The following CENPP variants were observed in gnomAD, a reference collection of about 807,000 sequenced individuals.
CENPP encodes the protein centromere protein P.
In CENPP, 24 loss-of-function variants were observed where a neutral mutation model predicts 35.6. The observed-to-expected ratio is 0.67, with a 90% CI of 0.49 to 0.95. The LOEUF is 0.95. Ranked by LOEUF, CENPP falls within the 40% of genes least tolerant of loss-of-function variation. The pLI is 0.00. For synonymous variants in CENPP, 120 were observed against 125.5 expected (o/e 0.96, Z 0.29); for missense variants, 332 against 345.3 (o/e 0.96, Z 0.31).
At chr9:92,350,259 T>G (rs1270668924) in intron 4 of CENPP, among the ~76,000 whole-genome samples, 3 of 152,228 alleles carry the variant, frequency 2.0e-5, no homozygotes, top group Admixed American at 2.0e-4. Context: ...ATGAAAGAAA[T>G]CCATGACATC....
intron 5 of CENPP, chr9:92,509,759 A>C: frequency 1.2e-6 from 1 of 844,000 alleles, no homozygotes; most frequent in East Asian, 3.1e-5. Context: ...AGTTAAAAGA[A>C]GTTTTATCAA....
chr9:92,603,805 T>A (rs184526787), intron 5 of CENPP, among the ~76,000 whole-genome samples: 1 of 152,244 alleles, frequency 6.6e-6, no homozygotes, highest in East Asian at 1.9e-4. Context: ...CTCCCACATC[T>A]TGCCCACCTC....
intron 5 of CENPP, chr9:92,390,072 T>A (rs755806011): frequency 6.3e-6 from 9 of 1,427,762 alleles, no homozygotes; most frequent in African/African-American, 1.4e-5. Flanking sequence ...GGGAAAAAAA[T>A]ATAAAAAACA....
intron 5 of CENPP, among the ~76,000 whole-genome samples, chr9:92,413,016 C>CTTTTTTTTTT (rs1843490083): frequency 1.7e-5 from 1 of 57,534 alleles, no homozygotes; most frequent in Non-Finnish European, 3.1e-5. Flanking sequence ...TGGACTTTTG[C>CTTTTTTTTTT]TCTTGTTGCC....
intron 5 of CENPP, among the ~76,000 whole-genome samples, chr9:92,448,218 G>A (rs1253229451): frequency 1.3e-5 from 2 of 152,078 alleles, no homozygotes; most frequent in Non-Finnish European, 2.9e-5. Flanking sequence ...ACACCACGTG[G>A]GAGATGGAGT....
At chr9:92,551,219 G>A (rs1027926776) in intron 5 of CENPP, among the ~76,000 whole-genome samples, 2 of 152,190 alleles carry the variant, frequency 1.3e-5, no homozygotes, top group African/African-American at 4.8e-5. Context: ...ATTATCATGA[G>A]TGGAAGCCAC....
At chr9:92,468,813 C>T (rs534999545) in intron 5 of CENPP, among the ~76,000 whole-genome samples, 1 of 152,202 alleles carries the variant, frequency 6.6e-6, no homozygotes, top group South Asian at 2.1e-4. Flanking sequence ...CATTGCTCTA[C>T]ACCTGACATG....
intron 5 of CENPP, among the ~76,000 whole-genome samples, chr9:92,520,513 G>T (rs959694060): frequency 2.6e-5 from 4 of 152,154 alleles, no homozygotes; most frequent in Non-Finnish European, 5.9e-5. Flanking sequence ...TTGCTGGTGG[G>T]CATATAACAG....
chr9:92,565,557 G>A (rs75181305), intron 5 of CENPP, among the ~76,000 whole-genome samples: 1,728 of 152,252 alleles, frequency 0.011, 26 homozygotes, highest in African/African-American at 0.038. Context: ...CAATTTTTGG[G>A]GGGCCAGCAC....
chr9:92,416,022 ATTT>A (rs987988381), intron 5 of CENPP, among the ~76,000 whole-genome samples: 1 of 140,918 alleles, frequency 7.1e-6, no homozygotes, highest in Non-Finnish European at 1.5e-5. Context: ...GAGAATATAT[ATTT>A]TTTATATATA....
chr9:92,483,673 G>C (rs1418232363), intron 5 of CENPP, among the ~76,000 whole-genome samples: 2 of 152,236 alleles, frequency 1.3e-5, no homozygotes, highest in African/African-American at 4.8e-5. Flanking sequence ...GTCATCAAGA[G>C]TCTGACCATC....
At chr9:92,573,435 G>A (rs961351609) in intron 5 of CENPP, among the ~76,000 whole-genome samples, 1 of 152,216 alleles carries the variant, frequency 6.6e-6, no homozygotes, top group Non-Finnish European at 1.5e-5. Flanking sequence ...AAGGGCAAAT[G>A]TTGCTGCCTG....
chr9:92,549,644 C>T (rs1849543552), intron 5 of CENPP, among the ~76,000 whole-genome samples: 1 of 109,614 alleles, frequency 9.1e-6, no homozygotes, highest in African/African-American at 5.0e-5. Context: ...ATGACTCCGT[C>T]TCAAAAAAAA....
chr9:92,544,551 T>G (rs1849386951), intron 5 of CENPP, among the ~76,000 whole-genome samples: 2 of 152,190 alleles, frequency 1.3e-5, no homozygotes, highest in East Asian at 3.9e-4. Context: ...GGGTTTTTTT[T>G]TTTATCATGA....
intron 5 of CENPP, among the ~76,000 whole-genome samples, chr9:92,416,058 G>GTGTATATATATATATATATATATATA (rs6151074): frequency 7.6e-6 from 1 of 130,930 alleles, no homozygotes; most frequent in Non-Finnish European, 1.6e-5. Context: ...ATATATGTGT[G>GTGTATATATATATATATATATATATA]TATATATATA....
chr9:92,482,605 A>T (rs989145730), intron 5 of CENPP: 4 of 152,202 alleles, frequency 2.6e-5, no homozygotes, highest in Non-Finnish European at 4.4e-5. Context: ...CTACTGGAAG[A>T]TTCTGAAGAA....
chr9:92,600,140 T>G, intron 5 of CENPP: 1 of 500,946 alleles, frequency 2.0e-6, no homozygotes. Context: ...AAGTCTGAAG[T>G]TTGCATTTAA....
intron 5 of CENPP, among the ~76,000 whole-genome samples, chr9:92,441,418 G>C (rs746666703): frequency 6.6e-6 from 1 of 151,852 alleles, no homozygotes; most frequent in Non-Finnish European, 1.5e-5. Context: ...AAAATGTAAG[G>C]AAGAAAAAAA....
intron 4 of CENPP, among the ~76,000 whole-genome samples, chr9:92,346,752 AATG>A (rs1424946981): frequency 2.0e-5 from 3 of 152,208 alleles, no homozygotes; most frequent in African/African-American, 7.2e-5. Flanking sequence ...TTTGGACTGA[AATG>A]ATGATACTTA....
Sources: allele counts gnomAD v4.1 joint callset (sites outside exome capture counted in the v4.1 genomes callset), GRCh38; gene constraint gnomAD v4.1.1; transcripts MANE v1.5; gene names NCBI Gene and HGNC (gene_info 2026-07-23, HGNC 2026-07-21).